Variants in GAREM1 observed in about 807,000 individuals in gnomAD.
GAREM1 encodes the protein GRB2-associated and regulator of MAPK protein 1.
A neutral mutation model predicts 71.3 loss-of-function variants in GAREM1; 26 were observed. The ratio of observed to expected loss-of-function variants is 0.36; its 90% CI spans 0.27 to 0.51. The LOEUF (loss-of-function observed/expected upper bound fraction) is 0.51, where lower values mean the gene tolerates loss of function less well. Among genes scored for constraint, GAREM1 ranks in the 20% least tolerant of loss-of-function variants. The pLI is 0.95. For synonymous variants in GAREM1, 440 were observed against 433.2 expected (o/e 1.02, Z -0.20); for missense variants, 1,026 against 1,103.1 (o/e 0.93, Z 0.99).
intron 2 of GAREM1, among the ~76,000 whole-genome samples, chr18:32,335,051 G>A (rs749344958): frequency 2.0e-5 from 3 of 152,088 alleles, no homozygotes; most frequent in East Asian, 1.9e-4. Context: ...TTTTCAAATC[G>A]GCACAATGAT....
In GAREM1 at chr18:32,295,167, T is replaced by C. The variant is rs1024023006; in HGVS notation, c.394-6964A>G. 6.6e-5 allele frequency among the ~76,000 whole-genome samples: 10 copies of C among 152,086 alleles called. No individual in the cohort carries two copies. In the South Asian group the frequency reaches 2.1e-3, roughly 32 times the overall value. ...GCAACCTCTGCCTCCCGGGTTCAAG[T>C]GATTCTACTGCCTCAGCCCCCTGAG... On this transcript the variant is annotated intron_variant, in intron 3 of 5. Transcript: ENST00000269209.
chr18:32,309,616 A>C (rs976192090), intron 3 of GAREM1, among the ~76,000 whole-genome samples: 4 of 81,708 alleles, frequency 4.9e-5, no homozygotes, highest in Non-Finnish European at 7.8e-5. Flanking sequence ...ACTCAGTCTC[A>C]AAAAAAAAAA....
At chr18:32,392,867 C>A in intron 2 of GAREM1, 28 bp downstream of exon 2, 1 of 1,600,518 alleles carries the variant, frequency 6.2e-7, no homozygotes, top group Non-Finnish European at 8.5e-7. Context: ...CTCTCGCTGC[C>A]TCATCTTGGC....
Position 32,310,391 on chromosome 18 carries a change from C to T in GAREM1, c.263-68G>A, listed in dbSNP as rs2047307119. The T allele has an allele frequency of 2.6e-6, 4 of 1,527,396 alleles. No individual in the cohort carries two copies. In the Admixed American group the frequency reaches 5.6e-5, roughly 21 times the overall value. 94.6% of individuals were successfully genotyped at this position (1,527,396 alleles called of 1,614,324 possible). ...TGGACTGCTGTTACCATGGCAACAACATCCTCTCTCTTTACCCCAGCCCTT... is the reference window on the plus strand; with the variant it reads ...TGGACTGCTGTTACCATGGCAACAATATCCTCTCTCTTTACCCCAGCCCTT... On this transcript the variant is annotated intron_variant, in intron 2 of 5. Transcript: ENST00000269209.
At chr18:32,426,454 T>C (rs1159289606) in intron 1 of GAREM1, among the ~76,000 whole-genome samples, 1 of 152,214 alleles carries the variant, frequency 6.6e-6, no homozygotes, top group East Asian at 1.9e-4. Flanking sequence ...AATCCCAGGA[T>C]CTAAGGTAAA....
intron 2 of GAREM1, 123 bp downstream of exon 2, chr18:32,392,772 A>C: frequency 1.9e-6 from 2 of 1,044,092 alleles, no homozygotes; most frequent in Non-Finnish European, 2.8e-6. Flanking sequence ...ATAACCACAC[A>C]CAAATGTTTG....
chr18:32,393,478 A>C (rs1229003492), intron 1 of GAREM1, among the ~76,000 whole-genome samples: 1 of 152,194 alleles, frequency 6.6e-6, no homozygotes, highest in African/African-American at 2.4e-5. Context: ...AACATGTCTA[A>C]GCTCACAGAT....
intron 1 of GAREM1, among the ~76,000 whole-genome samples, chr18:32,457,764 T>C (rs1011353980): frequency 4.6e-5 from 7 of 152,124 alleles, no homozygotes; most frequent in African/African-American, 1.2e-4. Flanking sequence ...TTAATTATTA[T>C]TTTTTATTAT....
chr18:32,299,979 A>C (rs942691616), intron 3 of GAREM1, among the ~76,000 whole-genome samples: 1 of 152,256 alleles, frequency 6.6e-6, no homozygotes, highest in Non-Finnish European at 1.5e-5. Flanking sequence ...GGCAAAAGTC[A>C]TACTCATCTC....
rs1196747129 is a variant in GAREM1, at chr18:32,265,309, G to C, written c.*2562C>G. On this transcript the variant is annotated 3_prime_UTR_variant, in exon 6 of 6. Coordinates refer to ENST00000269209, the MANE Select transcript of GAREM1 (RefSeq NM_001242409.2). ...AAAACAACAACACTAGGCAATGAGA[G>C]AGATACTTTCTGCCTCCAACACATT... is the stretch of plus-strand genomic sequence containing the variant. 3 of 152,238 alleles carry C rather than the reference G, an allele frequency of 2.0e-5. No individual in the cohort carries two copies. The highest frequency in any genetic ancestry group is 7.2e-5 in the African/African-American group (3 of 41,442). 9.4% of individuals were successfully genotyped at this position (152,238 alleles called of 1,614,324 possible). A position where few individuals can be genotyped will look rare whatever the true frequency, so the allele number is the denominator to read the frequency against.
intron 3 of GAREM1, among the ~76,000 whole-genome samples, chr18:32,302,076 C>CA (rs2047207141): frequency 6.6e-6 from 1 of 152,100 alleles, no homozygotes; most frequent in African/African-American, 2.4e-5. Context: ...GCTATTGTGT[C>CA]AAAGTGAAAG....
chr18:32,422,735 A>G (rs2048531655), intron 1 of GAREM1, among the ~76,000 whole-genome samples: 1 of 152,240 alleles, frequency 6.6e-6, no homozygotes, highest in Non-Finnish European at 1.5e-5. Flanking sequence ...TAGAAACAAC[A>G]TATGTAAAAA....
At chr18:32,353,723 T>C (rs895969056) in intron 2 of GAREM1, among the ~76,000 whole-genome samples, 15 of 152,250 alleles carry the variant, frequency 9.9e-5, no homozygotes, top group African/African-American at 3.6e-4. Flanking sequence ...GCAGGTGAAT[T>C]CTAAGGTGTT....
intron 2 of GAREM1, among the ~76,000 whole-genome samples, chr18:32,353,708 C>CA (rs1385487339): frequency 6.6e-6 from 1 of 152,154 alleles, no homozygotes; most frequent in Non-Finnish European, 1.5e-5. Flanking sequence ...ATCATACCAC[C>CA]ACTGGCAGGT....
rs563525574 is a variant in GAREM1, at chr18:32,399,527, A to G, written c.122-6492T>C. Among the ~76,000 whole-genome samples, 344 of 152,352 alleles carry G rather than the reference A, an allele frequency of 2.3e-3. 2 individuals are homozygous for G. Among genetic ancestry groups the G allele is most frequent in the African/African-American group, 7.9e-3 (330 of 41,582 alleles). The stretch of plus-strand genomic sequence containing the variant: ...ATCACAAGCATTCTTATACAACAGT[A>G]ACAGACAAACAGAGAGTCAACTCAT... On this transcript the variant is annotated intron_variant, in intron 1 of 5. Transcript: ENST00000269209.
At chr18:32,418,505 A>G (rs1599034051) in intron 1 of GAREM1, among the ~76,000 whole-genome samples, 2 of 152,214 alleles carry the variant, frequency 1.3e-5, no homozygotes, top group Non-Finnish European at 1.5e-5. Context: ...TAACGTGAGC[A>G]TGACATAAAA....
At chr18:32,373,215 A>G (rs1245413433) in intron 2 of GAREM1, among the ~76,000 whole-genome samples, 1 of 152,216 alleles carries the variant, frequency 6.6e-6, no homozygotes, top group Non-Finnish European at 1.5e-5. Flanking sequence ...TTGTTGTATC[A>G]ACTTGGAAGA....
chr18:32,403,607 G>C (rs2144674587), intron 1 of GAREM1, among the ~76,000 whole-genome samples: 1 of 152,196 alleles, frequency 6.6e-6, no homozygotes, highest in South Asian at 2.1e-4. Flanking sequence ...ATAGGTTCTT[G>C]CTCTGTCACC....
At chr18:32,369,395 A>G (rs2144623815) in intron 2 of GAREM1, among the ~76,000 whole-genome samples, 1 of 152,246 alleles carries the variant, frequency 6.6e-6, no homozygotes, top group Admixed American at 6.5e-5. Flanking sequence ...GCACAGACAG[A>G]CTTTGTTGGT....
Sources: gnomAD v4.1 joint callset for allele counts (sites outside exome capture counted in the v4.1 genomes callset) on GRCh38, gnomAD v4.1.1 for gene constraint, MANE v1.5 for transcripts, NCBI Gene and HGNC (gene_info 2026-07-23, HGNC 2026-07-21) for gene names.